ASIP: variants seen among roughly 807,000 people sequenced by gnomAD.
ASIP encodes the protein agouti-signaling protein.
In ASIP, 11 loss-of-function variants were observed where a neutral mutation model predicts 10.3. The ratio of observed to expected loss-of-function variants is 1.07; its 90% CI spans 0.68 to 1.78. The LOEUF (loss-of-function observed/expected upper bound fraction) is 1.78, where lower values mean the gene tolerates loss of function less well. Among genes scored for constraint, ASIP ranks in the 40% most tolerant of loss-of-function variants. The pLI, the probability that ASIP is intolerant of heterozygous loss-of-function variation, is 0.00. For synonymous variants in ASIP, 70 were observed against 70.8 expected, an observed-to-expected ratio of 0.99 and a Z score of 0.06; for missense variants, 180 against 169.2, an observed-to-expected ratio of 1.06 and a Z score of -0.35.
chr20:34,264,439 A>G (rs1266234036), intron 3 of ASIP, among the ~76,000 whole-genome samples: 3 of 152,154 alleles, frequency 2.0e-5, no homozygotes, highest in Non-Finnish European at 4.4e-5. Context: ...GTTCTCGTGT[A>G]TTTTTCAATG....
chr20:34,268,902 T>C, intron 3 of ASIP, 89 bp from the exon 4 acceptor site: 1 of 1,483,888 alleles, frequency 6.7e-7, no homozygotes, highest in Non-Finnish European at 9.1e-7. Context: ...TGGTCCGGGA[T>C]CTCCCTAGCC....
chr20:34,250,291 T>A (rs2035453364), intron 1 of ASIP, among the ~76,000 whole-genome samples: 1 of 152,260 alleles, frequency 6.6e-6, no homozygotes, highest in Non-Finnish European at 1.5e-5. Flanking sequence ...ACACCTAGTA[T>A]GGTCAGCAGC....
intron 1 of ASIP, chr20:34,215,414 G>T: frequency 1.3e-6 from 2 of 1,540,112 alleles, no homozygotes; most frequent in Non-Finnish European, 1.8e-6. Flanking sequence ...TCTGATGTAT[G>T]CACCACATCA....
chr20:34,216,308 C>CA (rs1354041337), intron 1 of ASIP, among the ~76,000 whole-genome samples: 2 of 152,238 alleles, frequency 1.3e-5, no homozygotes, highest in Non-Finnish European at 2.9e-5. Flanking sequence ...GAGTAGGTGC[C>CA]GCGCGGGCGG....
chr20:34,266,615 G>GC (rs2035790903), intron 3 of ASIP, among the ~76,000 whole-genome samples: 3 of 152,030 alleles, frequency 2.0e-5, no homozygotes, highest in Non-Finnish European at 2.9e-5. Context: ...GAAGGTTGCA[G>GC]TGAGCCGAGA....
chr20:34,244,934 C>A (rs2035344344), intron 1 of ASIP, among the ~76,000 whole-genome samples: 1 of 152,078 alleles, frequency 6.6e-6, no homozygotes. Flanking sequence ...GGTTAGGAAG[C>A]CAAATTCAAA....
intron 1 of ASIP, chr20:34,214,368 G>T (rs532062388): frequency 2.3e-6 from 3 of 1,321,992 alleles, no homozygotes; most frequent in Non-Finnish European, 3.3e-6. Context: ...GAACTCCAAC[G>T]TCACAGATGT....
chr20:34,209,177 C>T lies in ASIP; in HGVS notation c.-11+14417C>T, dbSNP rs113159904. Among the ~76,000 whole-genome samples, 213 of 152,336 alleles carry T rather than the reference C, an allele frequency of 1.4e-3. 2 individuals carry two copies. Among genetic ancestry groups the T allele is most frequent in the African/African-American group, 4.9e-3 (204 of 41,568 alleles). On this transcript the variant is annotated intron_variant, in intron 1 of 3. Coordinates refer to the ASIP transcript ENST00000568305. ...AGTGGTCCATCTGGAGCAGCTGCTG[C>T]CATCACTCCAGCTGCACATTGCACA...
At chr20:34,255,649 C>T (rs1259056635) in intron 1 of ASIP, among the ~76,000 whole-genome samples, 1 of 152,186 alleles carries the variant, frequency 6.6e-6, no homozygotes, top group Non-Finnish European at 1.5e-5. Context: ...CTTTGTTCTA[C>T]AATTATAACC....
Position 34,262,903 on chromosome 20 carries a change from G to A in ASIP, c.222+10G>A, listed in dbSNP as rs1408771363. The A allele has an allele frequency of 3.7e-6, 6 of 1,613,736 alleles. No individual in the cohort carries two copies. In the South Asian group the frequency reaches 5.5e-5, roughly 15 times the overall value. On this transcript the variant is annotated intron_variant, in intron 3 of 3. Transcript: ENST00000374954. ...GAAAAGATCTTCTAAGGTAAGGGCA[G>A]GGAAGTTCTGGGAGTTCTCATTGTT...
chr20:34,221,987 G>A (rs749148648), intron 1 of ASIP, among the ~76,000 whole-genome samples: 36 of 152,176 alleles, frequency 2.4e-4, no homozygotes, highest in Non-Finnish European at 2.9e-5. Flanking sequence ...GCATGTGCCT[G>A]TAGTCCCAGC....
intron 3 of ASIP, among the ~76,000 whole-genome samples, chr20:34,267,469 A>G (rs1231075630): frequency 6.6e-6 from 1 of 151,212 alleles, no homozygotes; most frequent in Non-Finnish European, 1.5e-5. Flanking sequence ...CAAAAAAAAA[A>G]AAAAAAAAAA....
chr20:34,205,557 G>A (rs1030969505), intron 1 of ASIP, among the ~76,000 whole-genome samples: 2 of 150,780 alleles, frequency 1.3e-5, no homozygotes, highest in Non-Finnish European at 1.5e-5. Context: ...CTTCCACAGC[G>A]TGGAAGGGGA....
intron 1 of ASIP, among the ~76,000 whole-genome samples, chr20:34,253,537 A>G (rs986843390): frequency 6.6e-5 from 10 of 151,414 alleles, no homozygotes; most frequent in Admixed American, 1.3e-4. Context: ...CAATGGCACA[A>G]TCTCAGCTCA....
Position 34,258,674 on chromosome 20 carries a change from C to CATATATATATATATAT in ASIP, c.-10-1689_-10-1674dup, listed in dbSNP as rs772655085. Among the ~76,000 whole-genome samples, 93 of 12,146 alleles carry CATATATATATATATAT rather than the reference C, an allele frequency of 7.7e-3. 11 individuals carry two copies. The highest frequency in any genetic ancestry group is 0.019 in the Admixed American group (10 of 520). The allele number at this position is 12,146 out of a possible 152,430, so 8.0% of individuals were successfully genotyped here. On this transcript the variant is annotated intron_variant, in intron 1 of 3. Transcript: ENST00000374954. The stretch of plus-strand genomic sequence containing the variant: ...AGTTAATATCTTAGAAGGGGGATGC[C>CATATATATATATATAT]ATATATATATATATATACATACTAT...
At chr20:34,191,810 A>C (rs182904010), upstream of ASIP, among the ~76,000 whole-genome samples, 1 of 148,444 alleles carries the variant, frequency 6.7e-6, no homozygotes, top group East Asian at 2.0e-4. Flanking sequence ...GCTCACTGCA[A>C]CCTCTGCCTC....
At chr20:34,263,410 C>T (rs1048895991) in intron 3 of ASIP, among the ~76,000 whole-genome samples, 1 of 152,000 alleles carries the variant, frequency 6.6e-6, no homozygotes, top group Admixed American at 6.6e-5. Context: ...ACTAAAAATA[C>T]AAAAATTAGC....
chr20:34,245,811 G>A, intron 1 of ASIP: 1 of 790,276 alleles, frequency 1.3e-6, no homozygotes, highest in Non-Finnish European at 1.6e-6. Context: ...AAAATGCCAA[G>A]GACGAGGGCA....
At chr20:34,194,921 TTTTG>T (rs1314932979) in intron 1 of ASIP, among the ~76,000 whole-genome samples, 2 of 152,206 alleles carry the variant, frequency 1.3e-5, no homozygotes. Context: ...TCCTTATTTT[TTTTG>T]TTTATTTGCT....
Sources: allele counts gnomAD v4.1 joint callset (sites outside exome capture counted in the v4.1 genomes callset), GRCh38; gene constraint gnomAD v4.1.1; transcripts MANE v1.5; gene names NCBI Gene and HGNC (gene_info 2026-07-23, HGNC 2026-07-21).